PTER: variants seen among roughly 807,000 people sequenced by gnomAD.
PTER encodes the protein phosphotriesterase related, also known as N-acetyltaurine hydrolase.
In PTER, 38 loss-of-function variants were observed where a neutral mutation model predicts 29.6. That is an observed-to-expected ratio of 1.28 (90% CI 0.99 to 1.68). The LOEUF is 1.68. PTER is among the 40% of genes most tolerant of loss of function. PTER has a pLI of 0.00. For synonymous variants in PTER, 172 were observed against 154.5 expected, an observed-to-expected ratio of 1.11 and a Z score of -0.84; for missense variants, 482 against 427.8, an observed-to-expected ratio of 1.13 and a Z score of -1.12.
chr10:16,469,754 T>C (rs1834976692), intron 1 of PTER, among the ~76,000 whole-genome samples: 2 of 152,068 alleles, frequency 1.3e-5, no homozygotes, highest in Admixed American at 1.3e-4. Flanking sequence ...TTGGGATTTG[T>C]TTTTCTAGAG....
chr10:16,483,817 A>G (rs998621294), intron 1 of PTER, among the ~76,000 whole-genome samples: 2 of 152,052 alleles, frequency 1.3e-5, no homozygotes, highest in African/African-American at 2.4e-5. Flanking sequence ...GTACCACTGC[A>G]CTCTAACCTG....
At chr10:16,470,991 G>T (rs983120683) in intron 1 of PTER, among the ~76,000 whole-genome samples, 1 of 152,106 alleles carries the variant, frequency 6.6e-6, no homozygotes, top group Non-Finnish European at 1.5e-5. Context: ...AGTGTGTTCA[G>T]ATGAGATCTT....
intron 1 of PTER, among the ~76,000 whole-genome samples, chr10:16,477,612 A>C (rs527594461): frequency 6.0e-4 from 92 of 152,286 alleles, no homozygotes; most frequent in African/African-American, 2.2e-3. Flanking sequence ...TTATCTGGTC[A>C]ACCCCTTCAT....
At chr10:16,470,830 C>T (rs1835021481) in intron 1 of PTER, among the ~76,000 whole-genome samples, 1 of 151,998 alleles carries the variant, frequency 6.6e-6, no homozygotes, top group Non-Finnish European at 1.5e-5. Flanking sequence ...TTCTATGGTT[C>T]TATTTTTATG....
chr10:16,505,069 T>A lies in PTER; in HGVS notation c.748T>A (p.Tyr250Asn), dbSNP rs1359326574. ...CTTGGAGTTTGCTCAACTTGGCTGC[T>A]ACTTGGAATATGATCTCTTTGGTAC... Reference protein sequence around the residue: ...ELLEFAQLGCYLEYDLFGTEL... With the variant: ...ELLEFAQLGCNLEYDLFGTEL... Residue 250 changes from tyrosine (Y) to asparagine (N), a missense_variant, in exon 4 of 5, where the codon TAC becomes AAC. Coordinates refer to ENST00000535784, the MANE Select transcript of PTER (RefSeq NM_001261836.2). 6.2e-7 allele frequency: 1 copy of A among 1,614,078 alleles called. No individual in the cohort carries two copies. Among genetic ancestry groups the A allele is most frequent in the Admixed American group, 1.7e-5 (1 of 60,032 alleles).
chr10:16,484,205 C>T (rs984788880), intron 1 of PTER, 132 bp from the exon 2 acceptor site: 9 of 594,286 alleles, frequency 1.5e-5, no homozygotes, highest in Middle Eastern at 4.3e-4. Flanking sequence ...ATTGTGAGAT[C>T]GTATCTCTAG....
chr10:16,511,113 A>T lies in PTER; in HGVS notation c.907A>T (p.Thr303Ser). The change falls in exon 5 of 5, where the codon ACC (threonine) becomes TCC (serine). Residue 303 changes from threonine to serine, a missense_variant. Thr to Ser is a moderately conservative substitution (Grantham distance 58). Coordinates refer to ENST00000535784, the MANE Select transcript of PTER (RefSeq NM_001261836.2). ...GGTAGCACATGACATACATACGAAA[A>T]CCCGGCTGATGAAATATGGAGGTCA... ...ILVAHDIHTK[T>S]RLMKYGGHGY... is the part of the protein sequence containing the mutation. 6.2e-7 allele frequency: 1 copy of T among 1,614,040 alleles called. No individual in the cohort carries two copies. Among genetic ancestry groups the T allele is most frequent in the South Asian group, 1.1e-5 (1 of 91,058 alleles).
chr10:16,497,293 T>C (rs976282592), intron 3 of PTER, among the ~76,000 whole-genome samples: 1 of 152,216 alleles, frequency 6.6e-6, no homozygotes, highest in Non-Finnish European at 1.5e-5. Flanking sequence ...CCTTTAAGAC[T>C]CAACTCAAAT....
chr10:16,501,360 CACACACACAT>C (rs376027734), intron 3 of PTER, among the ~76,000 whole-genome samples: 19,194 of 114,806 alleles, frequency 0.17, 1,369 homozygotes, highest in East Asian at 0.34. Context: ...CACACACACA[CACACACACAT>C]GCACACACAC....
rs570735891 is a variant in PTER at position 16,468,577 on chromosome 10, C to T, written c.-48-15760C>T. Among the ~76,000 whole-genome samples, 8 of 152,228 alleles carry T rather than the reference C, an allele frequency of 5.3e-5. No homozygotes were observed. The South Asian group carries it at 6.2e-4, about 12-fold the overall frequency. On this transcript the variant is annotated intron_variant, in intron 1 of 4. Coordinates refer to ENST00000535784, the MANE Select transcript of PTER (RefSeq NM_001261836.2). The stretch of plus-strand genomic sequence containing the variant: ...TAAAACAAGCAAGCATCTAGATGTT[C>T]GCTAAATACATACTGTGTACCAGGC...
chr10:16,463,384 T>G (rs1467528969), intron 1 of PTER, among the ~76,000 whole-genome samples: 1 of 152,076 alleles, frequency 6.6e-6, no homozygotes, highest in East Asian at 1.9e-4. Context: ...TGTGTTCTTT[T>G]ATAAGAAACA....
downstream of PTER, chr10:16,514,660 A>G: frequency 6.2e-7 from 1 of 1,613,916 alleles, no homozygotes; most frequent in African/African-American, 1.3e-5. Context: ...TGTTACTGGC[A>G]TAGTCGTAAT....
At chr10:16,440,072 T>TTTA (rs1340094760) in intron 1 of PTER, among the ~76,000 whole-genome samples, 2 of 151,080 alleles carry the variant, frequency 1.3e-5, no homozygotes, top group Non-Finnish European at 3.0e-5. Flanking sequence ...ACAAGATTTT[T>TTTA]TTTTTTTTTT....
chr10:16,474,633 A>G (rs1835189305), intron 1 of PTER, among the ~76,000 whole-genome samples: 1 of 152,122 alleles, frequency 6.6e-6, no homozygotes, highest in Admixed American at 6.5e-5. Flanking sequence ...GACAACTGTA[A>G]TCCCAGCAGT....
chr10:16,490,810 C>T (rs1264173855), intron 3 of PTER, among the ~76,000 whole-genome samples: 1 of 151,372 alleles, frequency 6.6e-6, no homozygotes, highest in Non-Finnish European at 1.5e-5. Flanking sequence ...TTATGCTTGG[C>T]ACAAATAGAA....
Position 16,511,139 on chromosome 10 carries a change from C to T in PTER, c.933C>T (p.His311=), listed in dbSNP as rs887587317. ...TKTRLMKYGG[H]GYSHILTNVV... is the part of the protein sequence containing the mutation. ...CCCGGCTGATGAAATATGGAGGTCA[C>T]GGCTATTCTCATATACTCACCAATG... The change falls in exon 5 of 5, where the codon CAC becomes CAT. Residue 311 remains histidine, a synonymous_variant. Coordinates refer to ENST00000535784, the MANE Select transcript of PTER (RefSeq NM_001261836.2). 6.2e-6 allele frequency: 10 copies of T among 1,613,944 alleles called. No homozygotes were observed. The highest frequency in any genetic ancestry group is 3.3e-5 in the Admixed American group (2 of 59,994).
chr10:16,467,020 T>C (rs1834860943), intron 1 of PTER, among the ~76,000 whole-genome samples: 2 of 152,240 alleles, frequency 1.3e-5, no homozygotes, highest in Admixed American at 6.5e-5. Flanking sequence ...CCAATGCAGA[T>C]AGGAAATGTC....
intron 1 of PTER, among the ~76,000 whole-genome samples, chr10:16,460,028 A>G (rs1476544732): frequency 6.6e-6 from 1 of 152,188 alleles, no homozygotes; most frequent in Non-Finnish European, 1.5e-5. Context: ...GATTACAGGC[A>G]GGGGCTGCTG....
chr10:16,443,584 G>A (rs1254533067), intron 1 of PTER, among the ~76,000 whole-genome samples: 1 of 152,198 alleles, frequency 6.6e-6, no homozygotes, highest in Non-Finnish European at 1.5e-5. Flanking sequence ...TTGGAGGAGA[G>A]CTTAATGCTC....
Sources: allele counts gnomAD v4.1 joint callset (sites outside exome capture counted in the v4.1 genomes callset), GRCh38; gene constraint gnomAD v4.1.1; transcripts MANE v1.5; gene names NCBI Gene and HGNC (gene_info 2026-07-23, HGNC 2026-07-21).